RARB: variants seen among roughly 807,000 people sequenced by gnomAD.
RARB encodes retinoic acid receptor beta.
A neutral mutation model predicts 51.9 loss-of-function variants in RARB; 17 were observed. That is an observed-to-expected ratio of 0.33 (90% CI 0.22 to 0.49). RARB has a LOEUF of 0.49. RARB is among the 20% of genes least tolerant of loss of function. The pLI is 0.99. For missense variants in RARB, 369 were observed against 550.8 expected (o/e 0.67, Z 3.30); for synonymous variants, 215 against 195.4 (o/e 1.10, Z -0.84).
chr3:25,087,048 C>T (rs1179979314), intron 3 of RARB, among the ~76,000 whole-genome samples: 4 of 152,076 alleles, frequency 2.6e-5, no homozygotes, highest in Non-Finnish European at 5.9e-5. Context: ...AAAATATGTC[C>T]AAGAAATGCA....
chr3:25,363,447 A>G (rs1706015119), intron 5 of RARB, among the ~76,000 whole-genome samples: 1 of 152,116 alleles, frequency 6.6e-6, no homozygotes, highest in African/African-American at 2.4e-5. Flanking sequence ...CTTTCCTACA[A>G]CTTTCGCCAT....
intron 3 of RARB, among the ~76,000 whole-genome samples, chr3:25,092,562 C>T (rs1020647293): frequency 1.1e-4 from 17 of 152,074 alleles, no homozygotes; most frequent in African/African-American, 3.9e-4. Flanking sequence ...AGCCCTCTCC[C>T]CACACCACCA....
chr3:25,002,711 CTA>C (rs969490901), intron 2 of RARB, among the ~76,000 whole-genome samples: 7 of 150,146 alleles, frequency 4.7e-5, no homozygotes, highest in African/African-American at 9.8e-5. Flanking sequence ...ACACATAAAT[CTA>C]TATATGTGTC....
intron 3 of RARB, among the ~76,000 whole-genome samples, chr3:25,105,309 A>G (rs1448843269): frequency 1.3e-5 from 2 of 151,864 alleles, no homozygotes; most frequent in Non-Finnish European, 2.9e-5. Flanking sequence ...TACTGTAAAA[A>G]GGGCAGGGGA....
intron 2 of RARB, among the ~76,000 whole-genome samples, chr3:24,896,839 C>T (rs971081413): frequency 6.6e-6 from 1 of 152,102 alleles, no homozygotes; most frequent in African/African-American, 2.4e-5. Context: ...ATCTCTATTT[C>T]AGACATGTCT....
intron 2 of RARB, among the ~76,000 whole-genome samples, chr3:25,496,392 C>T (rs1212263444): frequency 6.6e-6 from 1 of 152,196 alleles, no homozygotes; most frequent in Non-Finnish European, 1.5e-5. Context: ...TTGGCACTGC[C>T]TGGAGGCCAC....
intron 4 of RARB, among the ~76,000 whole-genome samples, chr3:25,169,498 A>G (rs1350685385): frequency 1.3e-5 from 2 of 152,246 alleles, no homozygotes; most frequent in Admixed American, 1.3e-4. Context: ...ACAATTTTAT[A>G]AGAAAACTAT....
intron 5 of RARB, among the ~76,000 whole-genome samples, chr3:25,198,807 G>A (rs762518909): frequency 2.6e-5 from 4 of 152,120 alleles, no homozygotes; most frequent in Non-Finnish European, 5.9e-5. Flanking sequence ...TGGTGAGGAT[G>A]TGGAGAAAAG....
intron 1 of RARB, among the ~76,000 whole-genome samples, chr3:24,829,594 C>G (rs1702253603): frequency 6.6e-6 from 1 of 152,278 alleles, no homozygotes; most frequent in African/African-American, 2.4e-5. Context: ...GGGTCTGCAG[C>G]GGGAGCCCGC....
chr3:25,578,804 G>A (rs534673703), intron 4 of RARB, among the ~76,000 whole-genome samples: 4 of 152,238 alleles, frequency 2.6e-5, no homozygotes, highest in Admixed American at 1.3e-4. Flanking sequence ...CCATGCAGAC[G>A]TTCAAAGCAA....
chr3:25,558,102 T>C (rs929073230), intron 3 of RARB, among the ~76,000 whole-genome samples: 3 of 152,214 alleles, frequency 2.0e-5, no homozygotes, highest in Admixed American at 1.3e-4. Context: ...AACAGCCTTT[T>C]TGTGTTTGTA....
intron 3 of RARB, among the ~76,000 whole-genome samples, chr3:25,083,921 G>A (rs1699057441): frequency 6.6e-6 from 1 of 152,036 alleles, no homozygotes; most frequent in South Asian, 2.1e-4. Flanking sequence ...AGATGCCCTG[G>A]GTATTCAGCA....
chr3:24,971,729 T>A (rs141853425), intron 2 of RARB, among the ~76,000 whole-genome samples: 1 of 152,006 alleles, frequency 6.6e-6, no homozygotes, highest in Admixed American at 6.6e-5. Flanking sequence ...ACATTTTTAT[T>A]AGCATAACTT....
chr3:25,418,678 G>C (rs890685365), intron 5 of RARB, among the ~76,000 whole-genome samples: 5 of 152,098 alleles, frequency 3.3e-5, no homozygotes, highest in African/African-American at 1.2e-4. Flanking sequence ...TAGGAGAAGA[G>C]AGATTGGACT....
At chr3:25,149,164 T>A (rs1195752609) in intron 4 of RARB, among the ~76,000 whole-genome samples, 1 of 152,124 alleles carries the variant, frequency 6.6e-6, no homozygotes, top group South Asian at 2.1e-4. Flanking sequence ...GGTGATGAGA[T>A]TGGGGAGGAG....
intron 2 of RARB, among the ~76,000 whole-genome samples, chr3:24,934,535 A>C (rs1267591100): frequency 3.3e-5 from 5 of 152,168 alleles, no homozygotes; most frequent in South Asian, 2.1e-4. Context: ...GAATAAGCCC[A>C]AAATCTCATA....
intron 5 of RARB, among the ~76,000 whole-genome samples, chr3:25,302,110 C>T (rs975378914): frequency 2.0e-5 from 3 of 152,146 alleles, no homozygotes; most frequent in African/African-American, 4.8e-5. Flanking sequence ...TGACTAAAAC[C>T]AAAAAGTCAG....
intron 5 of RARB, among the ~76,000 whole-genome samples, chr3:25,200,832 T>A (rs138439343): frequency 2.2e-3 from 341 of 152,326 alleles, no homozygotes; most frequent in African/African-American, 7.5e-3. Context: ...CCATACTGTT[T>A]TGGTTACTGT....
intron 3 of RARB, among the ~76,000 whole-genome samples, chr3:25,120,643 A>G (rs889355997): frequency 1.3e-5 from 2 of 151,756 alleles, no homozygotes; most frequent in Non-Finnish European, 2.9e-5. Flanking sequence ...ATTGTTAACT[A>G]AAGTCTAAAA....
Sources: allele counts gnomAD v4.1 joint callset (sites outside exome capture counted in the v4.1 genomes callset), GRCh38; gene constraint gnomAD v4.1.1; transcripts MANE v1.5; gene names NCBI Gene and HGNC (gene_info 2026-07-23, HGNC 2026-07-21).